Variants in CEBPZOS observed in about 807,000 individuals in gnomAD.
CEBPZOS encodes protein CEBPZOS.
CEBPZOS carries 10 observed loss-of-function variants against 4.8 expected under a neutral mutation model. That is an observed-to-expected ratio of 2.07 (90% confidence interval 1.28 to 3.52). CEBPZOS has a LOEUF of 3.52. Ranked by LOEUF, CEBPZOS falls within the 30% of genes most tolerant of loss-of-function variation. The probability of loss-of-function intolerance (pLI) is 0.00; values close to 1 mark genes in which losing one functional copy is unlikely to be tolerated. For synonymous variants in CEBPZOS, 25 were observed against 14.2 expected (o/e 1.77, Z -1.72); for missense variants, 98 against 43.6 (o/e 2.25, Z -3.51).
rs1677437117 is a variant in CEBPZOS at position 37,204,253 on chromosome 2, A to G, written c.*2393A>G. On this transcript the variant is annotated 3_prime_UTR_variant, in exon 5 of 5. Transcript: ENST00000402297. ...CCCCCAACCTCAGCCTCAAGTATGT[A>G]ACACCATGCCTGGCTAATTTTTGAT... is the stretch of plus-strand genomic sequence containing the variant. 6.7e-6 allele frequency: 1 copy of G among 149,050 alleles called. No individual in the cohort carries two copies. The highest frequency in any genetic ancestry group is 1.5e-5 in the Non-Finnish European group (1 of 67,774). 9.2% of individuals were successfully genotyped at this position (149,050 alleles called of 1,614,324 possible).
intron 4 of CEBPZOS, among the ~76,000 whole-genome samples, chr2:37,212,846 A>AC (rs1195304076): frequency 1.3e-5 from 2 of 149,536 alleles, no homozygotes; most frequent in African/African-American, 4.9e-5. Context: ...AAAAAAAAAA[A>AC]AAAAACAAAA....
At chr2:37,208,933 C>T (rs976690884), downstream of CEBPZOS, 4 of 151,846 alleles carry the variant, frequency 2.6e-5, no homozygotes, top group African/African-American at 9.7e-5. Flanking sequence ...TAAATAAATC[C>T]AGCAAAGTTT....
At chr2:37,207,944 C>T (rs1450775704), downstream of CEBPZOS, among the ~76,000 whole-genome samples, 1 of 151,906 alleles carries the variant, frequency 6.6e-6, no homozygotes, top group Non-Finnish European at 1.5e-5. Flanking sequence ...TGAATAAGCT[C>T]AATTAGAGAC....
At chr2:37,213,159 A>C (rs1484841497) in intron 4 of CEBPZOS, among the ~76,000 whole-genome samples, 1 of 152,242 alleles carries the variant, frequency 6.6e-6, no homozygotes, top group Non-Finnish European at 1.5e-5. Context: ...AGTTTCAATC[A>C]AAATTTCTGT....
chr2:37,196,901 C>T (rs1676969321), intron 1 of CEBPZOS, among the ~76,000 whole-genome samples: 1 of 152,206 alleles, frequency 6.6e-6, no homozygotes, highest in Non-Finnish European at 1.5e-5. Flanking sequence ...GTTGAAAAGT[C>T]GTCCTCTGCA....
chr2:37,212,026 T>C, intron 4 of CEBPZOS: 17 of 1,581,086 alleles, frequency 1.1e-5, no homozygotes, highest in Non-Finnish European at 1.5e-5. Context: ...CCTTTTGTTC[T>C]CTTTTTCACG....
intron 1 of CEBPZOS, chr2:37,198,463 A>T (rs900803113): frequency 6.6e-6 from 1 of 152,212 alleles, no homozygotes; most frequent in Non-Finnish European, 1.5e-5. Flanking sequence ...ATCCTACAAA[A>T]GGAAGGTTAT....
At chr2:37,212,994 T>C (rs1206461740) in intron 4 of CEBPZOS, among the ~76,000 whole-genome samples, 1 of 151,604 alleles carries the variant, frequency 6.6e-6, no homozygotes, top group African/African-American at 2.4e-5. Context: ...CTGCAGTGAG[T>C]TGGGATTGTG....
downstream of CEBPZOS, among the ~76,000 whole-genome samples, chr2:37,206,556 C>G (rs1677546470): frequency 6.6e-6 from 1 of 152,104 alleles, no homozygotes; most frequent in African/African-American, 2.4e-5. Context: ...TAGGGTTTTG[C>G]CATGTTGGCC....
Position 37,203,006 on chromosome 2 carries a change from G to A in CEBPZOS, c.*1146G>A, listed in dbSNP as rs1203699734. The A allele has an allele frequency of 1.3e-6, 2 of 1,535,440 alleles. No homozygotes were observed. The highest frequency in any genetic ancestry group is 2.3e-5 in the East Asian group (1 of 42,800). On this transcript the variant is annotated 3_prime_UTR_variant, in exon 5 of 5. Coordinates refer to ENST00000402297, the MANE Select transcript of CEBPZOS (RefSeq NM_001322374.2). The stretch of plus-strand genomic sequence containing the variant: ...TTTAAGTTTCTTTTCTTTTTTCTTG[G>A]CCCTAAAAAAAATTGTAAGTCTACA...
chr2:37,211,732 G>T, intron 4 of CEBPZOS: 1 of 720,618 alleles, frequency 1.4e-6, no homozygotes, highest in Non-Finnish European at 2.1e-6. Context: ...TGGCTGACAT[G>T]AGTATTAATT....
Position 37,202,771 on chromosome 2 carries a change from T to A in CEBPZOS, c.*911T>A, listed in dbSNP as rs1443373542. ...ATTTTTAAAACATCAATAAAAAAAT[T>A]TAAGTTACTTACTTGCATTATCTTT... On this transcript the variant is annotated 3_prime_UTR_variant, in exon 5 of 5. Transcript: ENST00000402297. The A allele has an allele frequency of 2.0e-6, 3 of 1,510,396 alleles. No individual in the cohort carries two copies. In the African/African-American group the frequency reaches 4.3e-5, roughly 21 times the overall value. 93.6% of individuals were successfully genotyped at this position (1,510,396 alleles called of 1,614,324 possible). A position where few individuals can be genotyped will look rare whatever the true frequency, so the allele number is the denominator to read the frequency against.
chr2:37,214,775 C>A, downstream of CEBPZOS: 2 of 636,190 alleles, frequency 3.1e-6, no homozygotes, highest in South Asian at 4.5e-5. Flanking sequence ...TCTATTTACA[C>A]ACAGTAGTAG....
chr2:37,200,995 A>T (rs970657449), intron 2 of CEBPZOS, 53 bp from the exon 3 acceptor site: 10 of 709,256 alleles, frequency 1.4e-5, no homozygotes, highest in Non-Finnish European at 2.6e-5. Context: ...GGCTGTGTTA[A>T]TATAATGAAT....
In CEBPZOS at chr2:37,203,172, A is replaced by G; in HGVS notation, c.*1312A>G. The stretch of plus-strand genomic sequence containing the variant: ...GGCATTTAAATATAATTTAAGAGTT[A>G]GTATATAATATTTTCAAAAAGCTAA... On this transcript the variant is annotated 3_prime_UTR_variant, in exon 5 of 5. Transcript: ENST00000402297. 2.1e-6 allele frequency: 1 copy of G among 471,208 alleles called. No homozygotes were observed. Among genetic ancestry groups the G allele is most frequent in the Non-Finnish European group, 3.8e-6 (1 of 266,176 alleles). The allele number at this position is 471,208 out of a possible 1,614,324, so 29.2% of individuals were successfully genotyped here. A position where few individuals can be genotyped will look rare whatever the true frequency, so the allele number is the denominator to read the frequency against.
At chr2:37,210,950 C>T (rs1355110317) in intron 4 of CEBPZOS, 4 of 1,316,620 alleles carry the variant, frequency 3.0e-6, no homozygotes, top group South Asian at 1.3e-5. Context: ...GATAATGACA[C>T]CTTTCACATG....
At chr2:37,208,145 G>C (rs114825901), downstream of CEBPZOS, among the ~76,000 whole-genome samples, 3,868 of 152,206 alleles carry the variant, frequency 0.025, 81 homozygotes, top group Middle Eastern at 0.054. Flanking sequence ...TAGCACGACT[G>C]AAACAGTAAT....
chr2:37,205,955 A>C (rs949740006), downstream of CEBPZOS, among the ~76,000 whole-genome samples: 3 of 152,242 alleles, frequency 2.0e-5, no homozygotes, highest in Non-Finnish European at 2.9e-5. Flanking sequence ...GGTTGAGAAA[A>C]GAAAAAGATA....
intron 4 of CEBPZOS, chr2:37,212,091 A>G: frequency 6.7e-7 from 1 of 1,492,188 alleles, no homozygotes; most frequent in Non-Finnish European, 9.0e-7. Flanking sequence ...TTTCTAAAGT[A>G]GTGTTTTGCT....
Sources: allele counts gnomAD v4.1 joint callset (sites outside exome capture counted in the v4.1 genomes callset), GRCh38; gene constraint gnomAD v4.1.1; transcripts MANE v1.5; gene names NCBI Gene and HGNC (gene_info 2026-07-23, HGNC 2026-07-21).